CAGE1: variants seen among roughly 807,000 people sequenced by gnomAD.
CAGE1 encodes the protein cancer antigen 1, also known as cancer-associated gene 1 protein.
In CAGE1, 66 loss-of-function variants were observed where a neutral mutation model predicts 94.9. The observed-to-expected ratio is 0.70, with a 90% CI of 0.57 to 0.85. CAGE1 has a LOEUF of 0.85. Among genes scored for constraint, CAGE1 ranks in the 40% least tolerant of loss-of-function variants. The pLI is 0.00. For missense variants in CAGE1, 865 were observed against 950.4 expected (o/e 0.91, Z 1.18); for synonymous variants, 319 against 321.0 (o/e 0.99, Z 0.07).
intron 11 of CAGE1, among the ~76,000 whole-genome samples, chr6:7,345,587 T>A (rs754964512): frequency 6.6e-6 from 1 of 152,214 alleles, no homozygotes; most frequent in Non-Finnish European, 1.5e-5. Context: ...ATGTCACTAA[T>A]AGCTTTCATA....
At chr6:7,383,081 G>A (rs181124107) in intron 3 of CAGE1, among the ~76,000 whole-genome samples, 5 of 129,460 alleles carry the variant, frequency 3.9e-5, no homozygotes, top group East Asian at 2.5e-4. Context: ...CTGTTCTTGC[G>A]ATAGTTGAGT....
intron 9 of CAGE1, among the ~76,000 whole-genome samples, chr6:7,364,786 A>G (rs1454649326): frequency 6.6e-6 from 1 of 152,066 alleles, no homozygotes; most frequent in Non-Finnish European, 1.5e-5. Context: ...CTTCTTATGA[A>G]AAAAAAATTA....
chr6:7,337,505 C>A (rs889199760), intron 11 of CAGE1, among the ~76,000 whole-genome samples: 9 of 152,134 alleles, frequency 5.9e-5, no homozygotes, highest in African/African-American at 2.2e-4. Flanking sequence ...TAGCCTTTAT[C>A]TTTGGGTATA....
At chr6:7,340,282 ATTTG>A (rs1759115406) in intron 11 of CAGE1, among the ~76,000 whole-genome samples, 1 of 151,918 alleles carries the variant, frequency 6.6e-6, no homozygotes, top group Non-Finnish European at 1.5e-5. Flanking sequence ...TTTCTTGTTA[ATTTG>A]TTTGAGTTCC....
rs556084338 is a variant in CAGE1, at chr6:7,328,932, A to ATTTTTTT, written c.2478+916_2478+917insAAAAAAA. On this transcript the variant is annotated intron_variant, in intron 13 of 13. Coordinates refer to ENST00000502583, the MANE Select transcript of CAGE1 (RefSeq NM_001170692.2). ...TGTGTGTGTGTGTATATATATATAT[A>ATTTTTTT]TATTTTTTTTTTTTTTTGAGATAGA... 2.0e-3 allele frequency among the ~76,000 whole-genome samples: 204 copies of ATTTTTTT among 103,578 alleles called. 6 individuals carry two copies. Among genetic ancestry groups the ATTTTTTT allele is most frequent in the African/African-American group, 6.8e-3 (196 of 28,866 alleles). The allele number at this position is 103,578 out of a possible 152,430, so 68.0% of individuals were successfully genotyped here. A position where few individuals can be genotyped will look rare whatever the true frequency, so the allele number is the denominator to read the frequency against.
At chr6:7,369,255 G>A (rs553428793) in intron 6 of CAGE1, among the ~76,000 whole-genome samples, 156 of 152,174 alleles carry the variant, frequency 1.0e-3, no homozygotes, top group Non-Finnish European at 2.0e-3. Context: ...TGATCTGCCC[G>A]CCTCGGCCTC....
chr6:7,330,652 T>C (rs750076223), intron 12 of CAGE1, among the ~76,000 whole-genome samples: 1 of 152,124 alleles, frequency 6.6e-6, no homozygotes, highest in Non-Finnish European at 1.5e-5. Context: ...AGCTGAAGCT[T>C]GTTTGAGTGC....
intron 13 of CAGE1, among the ~76,000 whole-genome samples, chr6:7,327,704 G>T (rs1758582898): frequency 6.6e-6 from 1 of 152,138 alleles, no homozygotes; most frequent in South Asian, 2.1e-4. Context: ...GCTGAGGCAG[G>T]CGGACCACCT....
intron 11 of CAGE1, among the ~76,000 whole-genome samples, chr6:7,342,551 CTCTG>C (rs765455847): frequency 1.7e-4 from 26 of 152,168 alleles, no homozygotes; most frequent in Non-Finnish European, 2.9e-4. Context: ...TGGCTGTCAC[CTCTG>C]TCTCTGTTTT....
chr6:7,358,047 T>G (rs1214563720), intron 9 of CAGE1, among the ~76,000 whole-genome samples: 1 of 114,718 alleles, frequency 8.7e-6, no homozygotes, highest in Non-Finnish European at 1.8e-5. Flanking sequence ...TATATATATA[T>G]ATATATATAT....
At chr6:7,328,900 GT>G (rs1758626938) in intron 13 of CAGE1, among the ~76,000 whole-genome samples, 1 of 93,344 alleles carries the variant, frequency 1.1e-5, no homozygotes, top group African/African-American at 4.3e-5. Flanking sequence ...GTGTGTGTGT[GT>G]GTGTGTGTGT....
intron 9 of CAGE1, among the ~76,000 whole-genome samples, chr6:7,360,140 A>G (rs1405167608): frequency 1.3e-5 from 2 of 152,158 alleles, no homozygotes; most frequent in African/African-American, 2.4e-5. Flanking sequence ...AAGGTCCTCT[A>G]CTTTTAAGAA....
intron 8 of CAGE1, 21 bp downstream of exon 8, chr6:7,365,783 C>A: frequency 7.1e-7 from 1 of 1,415,536 alleles, no homozygotes. Context: ...AAAGATAGTA[C>A]GTAGTAAATA....
At chr6:7,332,017 T>C (rs1758769992) in intron 12 of CAGE1, among the ~76,000 whole-genome samples, 1 of 152,216 alleles carries the variant, frequency 6.6e-6, no homozygotes, top group Admixed American at 6.5e-5. Context: ...CTGTGAGGCA[T>C]AAACAGTCTC....
At chr6:7,359,122 C>T (rs1047608151) in intron 9 of CAGE1, among the ~76,000 whole-genome samples, 63 of 152,168 alleles carry the variant, frequency 4.1e-4, no homozygotes, top group African/African-American at 1.4e-3. Context: ...TCTTGGCTCA[C>T]TGCAACCTCC....
Position 7,339,114 on chromosome 6 carries a change from A to G in CAGE1, c.2370-5024T>C, listed in dbSNP as rs1759074767. The G allele has an allele frequency of 2.5e-6, 4 of 1,578,866 alleles. No individual in the cohort carries two copies. Among genetic ancestry groups the G allele is most frequent in the Non-Finnish European group, 1.7e-6 (2 of 1,149,022 alleles). ...GCTGTGGATCATCAGGCCGTCCACAAACTTCATGGATTTAGCTCTCTGTCC... is the reference window on the plus strand; with the variant it reads ...GCTGTGGATCATCAGGCCGTCCACAGACTTCATGGATTTAGCTCTCTGTCC... On this transcript the variant is annotated intron_variant, in intron 11 of 13. Coordinates refer to ENST00000502583, the MANE Select transcript of CAGE1 (RefSeq NM_001170692.2). The surrounding 1 kb of genome is among the most constrained non-coding windows in gnomAD (Gnocchi z 4.7).
At chr6:7,374,962 A>C (rs939293192) in intron 4 of CAGE1, among the ~76,000 whole-genome samples, 3 of 152,178 alleles carry the variant, frequency 2.0e-5, no homozygotes, top group African/African-American at 7.2e-5. Context: ...TGAACGCAGG[A>C]GGTGGAAGTT....
At chr6:7,366,941 TTTC>T (rs1760363971) in intron 7 of CAGE1, among the ~76,000 whole-genome samples, 1 of 152,234 alleles carries the variant, frequency 6.6e-6, no homozygotes, top group African/African-American at 2.4e-5. Context: ...TTTATAATCA[TTTC>T]TTATTTATTC....
intron 9 of CAGE1, among the ~76,000 whole-genome samples, chr6:7,361,582 C>T (rs1760167108): frequency 6.6e-6 from 1 of 152,112 alleles, no homozygotes; most frequent in African/African-American, 2.4e-5. Flanking sequence ...CAAAGATAAT[C>T]CTTCAGAGAT....
Sources: gnomAD v4.1 joint callset for allele counts (sites outside exome capture counted in the v4.1 genomes callset) on GRCh38, gnomAD v4.1.1 for gene constraint, Gnocchi (gnomAD v3.1) non-coding constraint, MANE v1.5 for transcripts, NCBI Gene and HGNC (gene_info 2026-07-23, HGNC 2026-07-21) for gene names.